Variants in ASTN2 observed in about 807,000 individuals in gnomAD.
The protein encoded by ASTN2 is astrotactin-2.
ASTN2 carries 54 observed loss-of-function variants against 139.8 expected under a neutral mutation model. The observed-to-expected ratio is 0.39, with a 90% confidence interval of 0.31 to 0.48. The LOEUF (loss-of-function observed/expected upper bound fraction) is 0.48. Ranked by LOEUF, ASTN2 falls within the 20% of genes least tolerant of loss-of-function variation. ASTN2 has a pLI of 0.95. For missense variants in ASTN2, 1,565 were observed against 1,725.1 expected (o/e 0.91, Z 1.64); for synonymous variants, 756 against 719.5 (o/e 1.05, Z -0.81).
At chr9:117,413,054 C>T (rs1387394086) in intron 1 of ASTN2, among the ~76,000 whole-genome samples, 1 of 152,202 alleles carries the variant, frequency 6.6e-6, no homozygotes, top group Admixed American at 6.5e-5. Flanking sequence ...TCCCGGAACG[C>T]TCGGCACGCT....
intron 3 of ASTN2, among the ~76,000 whole-genome samples, chr9:117,172,960 C>T (rs1238853480): frequency 6.6e-6 from 1 of 152,068 alleles, no homozygotes; most frequent in Admixed American, 6.6e-5. Context: ...CTCAACTAAG[C>T]ATTCGCAGTT....
intron 19 of ASTN2, among the ~76,000 whole-genome samples, chr9:116,538,823 A>G (rs1851756166): frequency 6.6e-6 from 1 of 151,644 alleles, no homozygotes; most frequent in East Asian, 1.9e-4. Flanking sequence ...GTCCACCTAG[A>G]TAAGTACAAT....
At chr9:116,788,213 A>C (rs1830430682) in intron 13 of ASTN2, among the ~76,000 whole-genome samples, 1 of 152,132 alleles carries the variant, frequency 6.6e-6, no homozygotes, top group South Asian at 2.1e-4. Context: ...AGATTGGTCA[A>C]AGGGTACAAT....
At chr9:116,694,725 C>T (rs1278946216) in intron 16 of ASTN2, among the ~76,000 whole-genome samples, 1 of 151,528 alleles carries the variant, frequency 6.6e-6, no homozygotes, top group Non-Finnish European at 1.5e-5. Context: ...CCCACCTCAG[C>T]CTCCCAAAGT....
chr9:116,637,742 A>G (rs1322549507), intron 17 of ASTN2, among the ~76,000 whole-genome samples: 1 of 152,168 alleles, frequency 6.6e-6, no homozygotes, highest in Non-Finnish European at 1.5e-5. Flanking sequence ...TGTTCAAGAC[A>G]AGCCTGGAAA....
intron 12 of ASTN2, among the ~76,000 whole-genome samples, chr9:116,806,706 C>A (rs1244348936): frequency 6.6e-6 from 1 of 152,114 alleles, no homozygotes; most frequent in East Asian, 1.9e-4. Flanking sequence ...CTTCTATGAT[C>A]CCCAGTTTCC....
intron 1 of ASTN2, among the ~76,000 whole-genome samples, chr9:117,363,225 T>G (rs1829741461): frequency 6.6e-6 from 1 of 152,184 alleles, no homozygotes; most frequent in Non-Finnish European, 1.5e-5. Flanking sequence ...ATGTGTACGT[T>G]CATTCATGAA....
intron 22 of ASTN2, among the ~76,000 whole-genome samples, chr9:116,435,349 C>T (rs1463964722): frequency 6.6e-6 from 1 of 152,162 alleles, no homozygotes; most frequent in Non-Finnish European, 1.5e-5. Context: ...ACTTGCTAAT[C>T]CTTGAAAGGC....
At chr9:117,204,545 T>C (rs933289844) in intron 3 of ASTN2, among the ~76,000 whole-genome samples, 21 of 152,318 alleles carry the variant, frequency 1.4e-4, no homozygotes, top group African/African-American at 5.1e-4. Context: ...TGATTATTTT[T>C]GTACAGTGTG....
chr9:116,690,706 T>C, intron 16 of ASTN2, among the ~76,000 whole-genome samples: 1 of 152,218 alleles, frequency 6.6e-6, no homozygotes, highest in East Asian at 1.9e-4. Flanking sequence ...ATTTGAATCC[T>C]TGCTCTATTA....
intron 19 of ASTN2, among the ~76,000 whole-genome samples, chr9:116,510,828 C>T (rs1241783443): frequency 6.6e-6 from 1 of 152,088 alleles, no homozygotes; most frequent in Non-Finnish European, 1.5e-5. Context: ...TATAAGAATG[C>T]TTGTGATTTT....
chr9:116,570,332 T>C lies in ASTN2; in HGVS notation c.3355+47992A>G, dbSNP rs145931673. 6.2e-3 allele frequency among the ~76,000 whole-genome samples: 949 copies of C among 152,238 alleles called. 14 individuals carry two copies. The highest frequency in any genetic ancestry group is 0.021 in the African/African-American group (888 of 41,546). ...AACCCTTTCTCTCTTATTGTATAAG[T>C]TTTAAATTTTATATCTCTATCACCT... On this transcript the variant is annotated intron_variant, in intron 19 of 22. Coordinates refer to ENST00000313400, the MANE Select transcript of ASTN2 (RefSeq NM_001365068.1).
chr9:116,681,083 T>C (rs1859833846), intron 16 of ASTN2, among the ~76,000 whole-genome samples: 1 of 152,192 alleles, frequency 6.6e-6, no homozygotes, highest in Middle Eastern at 3.2e-3. Context: ...GAAGTCAAAT[T>C]GCCCCTAGTT....
chr9:116,486,812 A>C (rs2119080560), intron 20 of ASTN2, among the ~76,000 whole-genome samples: 1 of 152,286 alleles, frequency 6.6e-6, no homozygotes, highest in South Asian at 2.1e-4. Context: ...CAGAAGTTTG[A>C]ATGCAGTGAC....
Position 116,698,023 on chromosome 9 carries a change from C to A in ASTN2, c.2806+27748G>T, listed in dbSNP as rs997358002. The A allele has an allele frequency of 3.7e-6, 6 of 1,613,954 alleles. No homozygotes were observed. Among genetic ancestry groups the A allele is most frequent in the Non-Finnish European group, 5.1e-6 (6 of 1,180,050 alleles). ...ATTGATACAGCTGGGCTCAGCGAGG[C>A]TGTGGGGCTGCTCATGTGTCGGTCC... On this transcript the variant is annotated intron_variant, in intron 16 of 22. Transcript: ENST00000313400. This position sits in a 1 kb window ranked among gnomAD's most constrained non-coding sequence, Gnocchi z 4.4.
chr9:116,812,926 C>T (rs546757183), intron 12 of ASTN2, among the ~76,000 whole-genome samples: 1 of 152,054 alleles, frequency 6.6e-6, no homozygotes, highest in Non-Finnish European at 1.5e-5. Context: ...GGAAAATGAT[C>T]CCCTGAGTTT....
chr9:116,672,748 A>G (rs1859274214), intron 16 of ASTN2, among the ~76,000 whole-genome samples: 1 of 152,232 alleles, frequency 6.6e-6, no homozygotes, highest in Admixed American at 6.5e-5. Context: ...AGTTGCAAAA[A>G]GATACCAAGA....
At chr9:116,729,212 C>T in intron 14 of ASTN2, 116 bp from the exon 15 acceptor site, 1 of 760,938 alleles carries the variant, frequency 1.3e-6, no homozygotes, top group Non-Finnish European at 2.1e-6. Context: ...GTACAACTTT[C>T]ACTGGGATTG....
At chr9:116,606,559 A>G (rs574508703) in intron 19 of ASTN2, among the ~76,000 whole-genome samples, 251 of 152,356 alleles carry the variant, frequency 1.6e-3, no homozygotes, top group Non-Finnish European at 2.5e-3. Context: ...CAGAGAGATC[A>G]AAGGATAAAG....
Sources: gnomAD v4.1 joint callset for allele counts (sites outside exome capture counted in the v4.1 genomes callset) on GRCh38, gnomAD v4.1.1 for gene constraint, Gnocchi (gnomAD v3.1) non-coding constraint, MANE v1.5 for transcripts, NCBI Gene and HGNC (gene_info 2026-07-23, HGNC 2026-07-21) for gene names.